XKR4: variants seen among roughly 807,000 people sequenced by gnomAD.
The protein encoded by XKR4 is XK-related protein 4.
In XKR4, 12 loss-of-function variants were observed where a neutral mutation model predicts 53.9. The observed-to-expected ratio is 0.22, with a 90% confidence interval of 0.14 to 0.36. The LOEUF is 0.36. Among genes scored for constraint, XKR4 ranks in the 10% least tolerant of loss-of-function variants. The pLI is 1.00. For missense variants in XKR4, 799 were observed against 859.5 expected (o/e 0.93, Z 0.88); for synonymous variants, 354 against 362.4 (o/e 0.98, Z 0.26).
At chr8:55,112,562 G>T (rs1243299595) in intron 1 of XKR4, among the ~76,000 whole-genome samples, 2 of 77,206 alleles carry the variant, frequency 2.6e-5, no homozygotes, top group South Asian at 6.7e-4. Context: ...TACTTTTCAG[G>T]TTTTTTTTTT....
intron 2 of XKR4, among the ~76,000 whole-genome samples, chr8:55,496,089 C>T (rs16921891): frequency 0.053 from 8,051 of 152,172 alleles, 608 homozygotes; most frequent in East Asian, 0.28. Flanking sequence ...AGGGCTTTGA[C>T]GATATGGTCT....
At position 55,529,334 on chromosome 8, in the gene XKR4, T is replaced by A. The variant is rs989213234; in HGVS notation, c.*5107T>A. On this transcript the variant is annotated 3_prime_UTR_variant, in exon 3 of 3. Coordinates refer to ENST00000327381, the MANE Select transcript of XKR4 (RefSeq NM_052898.2). ...TTCTGCTAAACAAGAGATGACTTAA[T>A]GTCCTTGAAATATTTTCGTAATATA... is the stretch of plus-strand genomic sequence containing the variant. 2.0e-5 allele frequency: 3 copies of A among 152,122 alleles called. No homozygotes were observed. The highest frequency in any genetic ancestry group is 2.9e-5 in the Non-Finnish European group (2 of 68,022). The allele number at this position is 152,122 out of a possible 1,614,324, so 9.4% of individuals were successfully genotyped here.
At position 55,534,095 on chromosome 8, in the gene XKR4, C is replaced by G. The variant is rs1806992468; in HGVS notation, c.*9868C>G. On this transcript the variant is annotated 3_prime_UTR_variant, in exon 3 of 3. Transcript: ENST00000327381. ...GTCATCTGTTGAATAATTGATCTGT[C>G]TGAGTACAGTTGCTGCTTTTATTTC... 1 of 152,080 alleles carries G rather than the reference C, an allele frequency of 6.6e-6. No homozygotes were observed. Among genetic ancestry groups the G allele is most frequent in the African/African-American group, 2.4e-5 (1 of 41,428 alleles). 9.4% of individuals were successfully genotyped at this position (152,080 alleles called of 1,614,324 possible). A position where few individuals can be genotyped will look rare whatever the true frequency, so the allele number is the denominator to read the frequency against.
Position 55,176,917 on chromosome 8 carries a change from G to A in XKR4, c.806+73623G>A, listed in dbSNP as rs141614533. ...ATATCTATCTCCAGCAAATGACCAC[G>A]AGGCAAATTTGTGCGCAGCCAAATC... On this transcript the variant is annotated intron_variant, in intron 1 of 2. Transcript: ENST00000327381. Among the ~76,000 whole-genome samples, 672 of 152,170 alleles carry A rather than the reference G, an allele frequency of 4.4e-3. 6 individuals carry two copies. The highest frequency in any genetic ancestry group is 4.2e-3 in the Non-Finnish European group (287 of 68,018).
Position 55,457,146 on chromosome 8 carries a change from C to CTTTTCTTTTT in XKR4, c.1007-66131_1007-66130insCTTTTTTTTT, listed in dbSNP as rs533607534. The stretch of plus-strand genomic sequence containing the variant: ...CAAGTGCTGAATTTTTTTTCCTTTT[C>CTTTTCTTTTT]TTTTTTTTTTTTTTGAGACTGAGTC... On this transcript the variant is annotated intron_variant, in intron 2 of 2. Coordinates refer to ENST00000327381, the MANE Select transcript of XKR4 (RefSeq NM_052898.2). 1.9e-3 allele frequency among the ~76,000 whole-genome samples: 259 copies of CTTTTCTTTTT among 137,222 alleles called. 10 individuals are homozygous for CTTTTCTTTTT. Among genetic ancestry groups the CTTTTCTTTTT allele is most frequent in the African/African-American group, 3.2e-3 (121 of 37,722 alleles). 90.0% of individuals were successfully genotyped at this position (137,222 alleles called of 152,430 possible).
intron 1 of XKR4, among the ~76,000 whole-genome samples, chr8:55,297,941 T>C (rs12541068): frequency 0.014 from 2,065 of 152,338 alleles, 43 homozygotes; most frequent in East Asian, 0.046. Flanking sequence ...AATGAAATCA[T>C]GTAAAGTTCC....
chr8:55,470,028 C>T (rs1426337077), intron 2 of XKR4, among the ~76,000 whole-genome samples: 1 of 151,998 alleles, frequency 6.6e-6, no homozygotes, highest in Non-Finnish European at 1.5e-5. Context: ...AGAAATGGTG[C>T]ATTGTAGACA....
At chr8:55,409,900 T>G (rs1804750027) in intron 2 of XKR4, among the ~76,000 whole-genome samples, 1 of 152,194 alleles carries the variant, frequency 6.6e-6, no homozygotes, top group Admixed American at 6.5e-5. Context: ...AACTAAAACT[T>G]AAATACTTTT....
At chr8:55,397,172 C>A (rs1804532586) in intron 2 of XKR4, among the ~76,000 whole-genome samples, 1 of 152,206 alleles carries the variant, frequency 6.6e-6, no homozygotes, top group African/African-American at 2.4e-5. Context: ...CTCAATTATT[C>A]TCTTTAATTT....
intron 1 of XKR4, among the ~76,000 whole-genome samples, chr8:55,280,017 T>G (rs6996425): frequency 0.36 from 54,652 of 152,076 alleles, 12,020 homozygotes; most frequent in Non-Finnish European, 0.49. Flanking sequence ...ACATCATTAA[T>G]GATGACCAAA....
chr8:55,448,687 A>G (rs545768250), intron 2 of XKR4, among the ~76,000 whole-genome samples: 1 of 152,306 alleles, frequency 6.6e-6, no homozygotes, highest in East Asian at 1.9e-4. Flanking sequence ...CCCACTAAAG[A>G]TCTCCCACAT....
chr8:55,454,823 C>A, intron 2 of XKR4: 3 of 766,786 alleles, frequency 3.9e-6, no homozygotes, highest in Non-Finnish European at 7.3e-6. Context: ...GCGACAGGTG[C>A]GTAAGGCCTC....
chr8:55,254,610 G>A (rs921348900), intron 1 of XKR4, among the ~76,000 whole-genome samples: 2 of 152,160 alleles, frequency 1.3e-5, no homozygotes, highest in African/African-American at 2.4e-5. Context: ...AGACAGTCTC[G>A]TTCCTGATGC....
chr8:55,476,120 A>G (rs986955687), intron 2 of XKR4, among the ~76,000 whole-genome samples: 6 of 152,086 alleles, frequency 3.9e-5, no homozygotes, highest in African/African-American at 9.7e-5. Flanking sequence ...ACTCACAGAC[A>G]GTCTAATTCT....
At chr8:55,226,715 T>C (rs1817957404) in intron 1 of XKR4, among the ~76,000 whole-genome samples, 1 of 152,160 alleles carries the variant, frequency 6.6e-6, no homozygotes, top group Admixed American at 6.5e-5. Context: ...GTTCATGCCT[T>C]CATTGTTCTT....
chr8:55,502,365 A>C (rs1806457773), intron 2 of XKR4, among the ~76,000 whole-genome samples: 2 of 138,118 alleles, frequency 1.4e-5, no homozygotes, highest in Non-Finnish European at 3.1e-5. Flanking sequence ...ATTTCTTCAC[A>C]TTCTCACCAA....
chr8:55,433,974 C>T (rs1480721799), intron 2 of XKR4, among the ~76,000 whole-genome samples: 1 of 152,142 alleles, frequency 6.6e-6, no homozygotes, highest in Non-Finnish European at 1.5e-5. Context: ...ACTGAGGTTG[C>T]AGTGAGCTGT....
chr8:55,320,441 G>A lies in XKR4; in HGVS notation c.807-37237G>A, dbSNP rs549231790. On this transcript the variant is annotated intron_variant, in intron 1 of 2. Coordinates refer to ENST00000327381, the MANE Select transcript of XKR4 (RefSeq NM_052898.2). ...CACCAACAAAAGATACCCAATTGAC[G>A]CTGAACCAACCAAGCTCTGAGTAGT... 4.6e-5 allele frequency among the ~76,000 whole-genome samples: 7 copies of A among 152,284 alleles called. No homozygotes were observed. The South Asian group carries it at 1.2e-3, about 27-fold the overall frequency.
At chr8:55,476,141 G>A (rs1805980948) in intron 2 of XKR4, among the ~76,000 whole-genome samples, 1 of 152,030 alleles carries the variant, frequency 6.6e-6, no homozygotes, top group Admixed American at 6.5e-5. Context: ...GTGGGTAGTA[G>A]GTAGAGCCTC....
Sources: gnomAD v4.1 joint callset for allele counts (sites outside exome capture counted in the v4.1 genomes callset) on GRCh38, gnomAD v4.1.1 for gene constraint, MANE v1.5 for transcripts, NCBI Gene and HGNC (gene_info 2026-07-23, HGNC 2026-07-21) for gene names.